Variants in ESRRG observed in about 807,000 individuals in gnomAD.
The protein encoded by ESRRG is estrogen-related receptor gamma.
In ESRRG, 13 loss-of-function variants were observed where a neutral mutation model predicts 44.0. The observed-to-expected ratio is 0.30, with a 90% CI of 0.19 to 0.47. The LOEUF (loss-of-function observed/expected upper bound fraction) is 0.47, where lower values mean the gene tolerates loss of function less well. Among genes scored for constraint, ESRRG ranks in the 20% least tolerant of loss-of-function variants. The pLI is 1.00. For missense variants in ESRRG, 395 were observed against 580.6 expected, an observed-to-expected ratio of 0.68 and a Z score of 3.29; for synonymous variants, 215 against 214.6, an observed-to-expected ratio of 1.00 and a Z score of -0.02.
intron 1 of ESRRG, among the ~76,000 whole-genome samples, chr1:217,047,184 C>T (rs1038006761): frequency 1.3e-5 from 2 of 151,918 alleles, no homozygotes; most frequent in African/African-American, 4.8e-5. Context: ...TAATTTAATA[C>T]CCATCTACCA....
At chr1:217,078,725 T>A (rs2091520544) in intron 1 of ESRRG, among the ~76,000 whole-genome samples, 2 of 152,212 alleles carry the variant, frequency 1.3e-5, no homozygotes, top group South Asian at 2.1e-4. Flanking sequence ...CAGGATTTTT[T>A]AAAATGCATT....
At chr1:217,057,645 A>G (rs2087415865) in intron 1 of ESRRG, among the ~76,000 whole-genome samples, 1 of 152,106 alleles carries the variant, frequency 6.6e-6, no homozygotes, top group Non-Finnish European at 1.5e-5. Context: ...AGATAATCTA[A>G]TAATAAATAT....
At chr1:216,553,105 CT>C (rs1270800170) in intron 5 of ESRRG, among the ~76,000 whole-genome samples, 4 of 144,782 alleles carry the variant, frequency 2.8e-5, no homozygotes, top group African/African-American at 9.8e-5. Flanking sequence ...AGCAGCTTGA[CT>C]TATTTTTTTT....
intron 1 of ESRRG, among the ~76,000 whole-genome samples, chr1:217,033,478 T>G (rs2082374937): frequency 6.6e-6 from 1 of 152,212 alleles, no homozygotes; most frequent in Non-Finnish European, 1.5e-5. Context: ...ATTTTGTAAA[T>G]GATTAATGTT....
intron 1 of ESRRG, among the ~76,000 whole-genome samples, chr1:216,950,065 G>T (rs2066706108): frequency 6.6e-6 from 1 of 150,874 alleles, no homozygotes; most frequent in African/African-American, 2.5e-5. Flanking sequence ...AAACTGCCTA[G>T]GACTCCCAAA....
chr1:216,742,842 G>A (rs535647459), intron 2 of ESRRG, among the ~76,000 whole-genome samples: 9 of 151,908 alleles, frequency 5.9e-5, no homozygotes, highest in African/African-American at 1.9e-4. Context: ...TCTGGTGTTG[G>A]ACTCTCCCAG....
intron 1 of ESRRG, among the ~76,000 whole-genome samples, chr1:217,135,593 T>C (rs1052595452): frequency 1.3e-5 from 2 of 151,610 alleles, no homozygotes; most frequent in Non-Finnish European, 2.9e-5. Context: ...TCCCAGCCTT[T>C]TCGCCCGCGC....
chr1:216,697,806 T>G (rs57926052), intron 1 of ESRRG, among the ~76,000 whole-genome samples: 1,999 of 152,336 alleles, frequency 0.013, 32 homozygotes, highest in African/African-American at 0.045. Flanking sequence ...TTCAACCATC[T>G]TAGCCACTAA....
chr1:217,006,536 CTT>C (rs1325193250), intron 1 of ESRRG, among the ~76,000 whole-genome samples: 1 of 152,042 alleles, frequency 6.6e-6, no homozygotes, highest in Non-Finnish European at 1.5e-5. Flanking sequence ...TTGAGTATCC[CTT>C]TTCCAAAATG....
chr1:217,073,889 A>T (rs2090923798), intron 1 of ESRRG, among the ~76,000 whole-genome samples: 1 of 152,128 alleles, frequency 6.6e-6, no homozygotes, highest in South Asian at 2.1e-4. Context: ...AGGGCAAAAG[A>T]CACAGTGAAC....
intron 2 of ESRRG, among the ~76,000 whole-genome samples, chr1:216,736,381 C>T (rs2089921216): frequency 6.6e-6 from 1 of 151,838 alleles, no homozygotes; most frequent in Non-Finnish European, 1.5e-5. Flanking sequence ...GACGGGGTTT[C>T]ACCGTGTTAG....
intron 2 of ESRRG, among the ~76,000 whole-genome samples, chr1:216,832,833 A>G (rs1045244845): frequency 2.0e-5 from 3 of 152,076 alleles, no homozygotes; most frequent in African/African-American, 7.2e-5. Context: ...AAAGTTAGCC[A>G]GATGTAGTGA....
At chr1:217,003,890 A>G (rs1164589335) in intron 1 of ESRRG, among the ~76,000 whole-genome samples, 1 of 152,084 alleles carries the variant, frequency 6.6e-6, no homozygotes, top group African/African-American at 2.4e-5. Flanking sequence ...AATAAAAAAA[A>G]AAGAAGTCAT....
intron 5 of ESRRG, among the ~76,000 whole-genome samples, chr1:216,537,411 G>T (rs1175588617): frequency 6.6e-6 from 1 of 152,028 alleles, no homozygotes. Flanking sequence ...TGTCGTAACA[G>T]CCCAAACGGA....
chr1:217,097,363 G>C (rs2092439388), intron 1 of ESRRG, among the ~76,000 whole-genome samples: 2 of 152,100 alleles, frequency 1.3e-5, no homozygotes, highest in Non-Finnish European at 2.9e-5. Context: ...TTCTTGTAGG[G>C]AATAAAGTCT....
At chr1:217,128,249 CAATA>C (rs2092916335) in intron 1 of ESRRG, among the ~76,000 whole-genome samples, 1 of 152,194 alleles carries the variant, frequency 6.6e-6, no homozygotes, top group African/African-American at 2.4e-5. Flanking sequence ...TGTTTTCAAT[CAATA>C]AATTAATTAC....
chr1:216,801,229 G>GA (rs927556279), intron 2 of ESRRG, among the ~76,000 whole-genome samples: 1 of 152,080 alleles, frequency 6.6e-6, no homozygotes, highest in African/African-American at 2.4e-5. Flanking sequence ...TGCTATTTCA[G>GA]AAAAAAGTTA....
At chr1:216,775,001 G>T (rs1406155057) in intron 2 of ESRRG, among the ~76,000 whole-genome samples, 2 of 151,148 alleles carry the variant, frequency 1.3e-5, no homozygotes, top group African/African-American at 4.9e-5. Flanking sequence ...TAGAAACAAG[G>T]TCTCACTATA....
intron 2 of ESRRG, among the ~76,000 whole-genome samples, chr1:216,841,165 G>T (rs752869476): frequency 2.0e-5 from 3 of 152,098 alleles, no homozygotes; most frequent in South Asian, 2.1e-4. Flanking sequence ...AAAGGTTATT[G>T]TGGATCTTTA....
Sources: allele counts gnomAD v4.1 joint callset (sites outside exome capture counted in the v4.1 genomes callset), GRCh38; gene constraint gnomAD v4.1.1; transcripts MANE v1.5; gene names NCBI Gene and HGNC (gene_info 2026-07-23, HGNC 2026-07-21).